Variants in GLIS3 observed in about 807,000 individuals in gnomAD.
The protein encoded by GLIS3 is zinc finger protein GLIS3.
GLIS3 carries 53 observed loss-of-function variants against 78.6 expected under a neutral mutation model. That is an observed-to-expected ratio of 0.67 (90% CI 0.54 to 0.85). The LOEUF (loss-of-function observed/expected upper bound fraction) is 0.85. GLIS3 is among the 40% of genes least tolerant of loss of function. The pLI, the probability that GLIS3 is intolerant of heterozygous loss-of-function variation, is 0.00. For synonymous variants in GLIS3, 684 were observed against 509.9 expected (o/e 1.34, Z -4.60); for missense variants, 1,703 against 1,231.1 (o/e 1.38, Z -5.74).
chr9:4,287,096 T>C (rs1265932560), intron 1 of GLIS3, among the ~76,000 whole-genome samples: 1 of 152,236 alleles, frequency 6.6e-6, no homozygotes, highest in African/African-American at 2.4e-5. Flanking sequence ...ATCCACATAT[T>C]CATATATTCA....
At chr9:4,083,656 G>T (rs928148317) in intron 4 of GLIS3, among the ~76,000 whole-genome samples, 1 of 152,116 alleles carries the variant, frequency 6.6e-6, no homozygotes, top group African/African-American at 2.4e-5. Context: ...CTGAAGATGT[G>T]TATGACAATG....
the GLIS3 span, among the ~76,000 whole-genome samples, chr9:4,374,405 T>C: frequency 1.7e-3 from 260 of 152,354 alleles, no homozygotes; most frequent in Middle Eastern, 6.8e-3. Context: ...TTCCACCTTA[T>C]AGCATATTTC....
chr9:4,099,566 C>G (rs12686490), intron 4 of GLIS3, among the ~76,000 whole-genome samples: 1 of 151,954 alleles, frequency 6.6e-6, no homozygotes, highest in African/African-American at 2.4e-5. Flanking sequence ...CTCTAAAGAC[C>G]GTGTTTTCAC....
rs566641176 is a variant in GLIS3, at chr9:4,347,768, G to A, written n.161+464C>T. Among the ~76,000 whole-genome samples, 40 of 152,010 alleles carry A rather than the reference G, an allele frequency of 2.6e-4. No homozygotes were observed. The East Asian group carries it at 3.7e-3, about 14-fold the overall frequency. On this transcript the variant is annotated intron_variant and non_coding_transcript_variant, in intron 1 of 4. Coordinates refer to the GLIS3 transcript ENST00000471664. ...TTGGTGGGGGTTGGGGGAGTCTATCGCTTTACAATTTAATTCAGATGAAAA... is the reference window on the plus strand; with the variant it reads ...TTGGTGGGGGTTGGGGGAGTCTATCACTTTACAATTTAATTCAGATGAAAA...
chr9:4,177,907 C>T (rs976569425), intron 2 of GLIS3, among the ~76,000 whole-genome samples: 2 of 152,216 alleles, frequency 1.3e-5, no homozygotes, highest in African/African-American at 4.8e-5. Context: ...TTCACTAACT[C>T]CCATCACAGC....
intron 2 of GLIS3, among the ~76,000 whole-genome samples, chr9:4,187,953 C>T (rs186681696): frequency 0.019 from 2,828 of 152,112 alleles, 25 homozygotes; most frequent in Non-Finnish European, 0.026. Context: ...CAGGGACAAT[C>T]TGACTTCCTC....
intron 4 of GLIS3, among the ~76,000 whole-genome samples, chr9:4,061,311 C>T (rs867167740): frequency 1.1e-4 from 16 of 148,092 alleles, no homozygotes; most frequent in African/African-American, 3.2e-4. Flanking sequence ...TGAGAACATG[C>T]GGTGTTTGGT....
At chr9:4,033,635 A>C (rs908783471) in intron 4 of GLIS3, among the ~76,000 whole-genome samples, 2 of 152,246 alleles carry the variant, frequency 1.3e-5, no homozygotes, top group Admixed American at 6.5e-5. Flanking sequence ...CCTAGGCTCC[A>C]CCCTGGACCT....
intron 2 of GLIS3, among the ~76,000 whole-genome samples, chr9:4,315,427 T>C (rs1817422358): frequency 6.6e-6 from 1 of 152,194 alleles, no homozygotes; most frequent in Non-Finnish European, 1.5e-5. Flanking sequence ...ATGACAATTT[T>C]CTGTATGCTC....
At chr9:4,355,842 A>G in the GLIS3 span, among the ~76,000 whole-genome samples, 6 of 152,202 alleles carry the variant, frequency 3.9e-5, no homozygotes, top group Non-Finnish European at 8.8e-5. Context: ...TCAGGAATCA[A>G]ATACCTGCTT....
At chr9:4,359,558 G>T in the GLIS3 span, among the ~76,000 whole-genome samples, 25 of 152,160 alleles carry the variant, frequency 1.6e-4, no homozygotes, top group African/African-American at 6.0e-4. Context: ...ACTGTTGACA[G>T]GGGCAACAGA....
rs201400343 is a variant in GLIS3 at position 4,110,869 on chromosome 9, A to G, written c.1710+6899T>C. Reference sequence around the variant, plus strand: ...TGAAGAAAACATTTCTGAAAGATCAAAGAGAATCAGACGACCGCTTCTTTT... The same window carrying G: ...TGAAGAAAACATTTCTGAAAGATCAGAGAGAATCAGACGACCGCTTCTTTT... On this transcript the variant is annotated intron_variant, in intron 4 of 10. Coordinates refer to ENST00000381971, the MANE Select transcript of GLIS3 (RefSeq NM_001042413.2). Among the ~76,000 whole-genome samples the G allele has an allele frequency of 5.2e-5, 8 of 152,382 alleles. No homozygotes were observed. In the East Asian group the frequency reaches 1.5e-3, roughly 29 times the overall value.
At chr9:4,144,890 G>A (rs767522118) in intron 2 of GLIS3, 6 of 152,194 alleles carry the variant, frequency 3.9e-5, no homozygotes, top group Non-Finnish European at 8.8e-5. Flanking sequence ...GCAAGAACAT[G>A]CTGTTTATTT....
intron 1 of GLIS3, among the ~76,000 whole-genome samples, chr9:4,288,532 C>G (rs1828189728): frequency 6.6e-6 from 1 of 151,914 alleles, no homozygotes; most frequent in African/African-American, 2.4e-5. Context: ...AGCAGGAATT[C>G]TCATCAAAAA....
At chr9:4,178,601 G>T (rs182692745) in intron 2 of GLIS3, among the ~76,000 whole-genome samples, 2 of 152,170 alleles carry the variant, frequency 1.3e-5, no homozygotes, top group East Asian at 1.9e-4. Flanking sequence ...TTCCAAACAC[G>T]CAAGTGCAAA....
the GLIS3 span, among the ~76,000 whole-genome samples, chr9:4,479,961 G>C: frequency 2.4e-5 from 3 of 126,752 alleles, no homozygotes; most frequent in African/African-American, 6.1e-5. Flanking sequence ...CGCCATGTTA[G>C]CCAGGCTGGT....
intron 2 of GLIS3, among the ~76,000 whole-genome samples, chr9:4,320,112 A>T (rs1817502024): frequency 6.6e-6 from 1 of 152,156 alleles, no homozygotes; most frequent in African/African-American, 2.4e-5. Context: ...AAAGCTGGCA[A>T]CATTTGACTT....
At chr9:4,385,623 C>A in the GLIS3 span, among the ~76,000 whole-genome samples, 3 of 138,992 alleles carry the variant, frequency 2.2e-5, no homozygotes, top group South Asian at 6.9e-4. Flanking sequence ...TGAGATCACG[C>A]TATTGCACTC....
chr9:4,343,349 C>T (rs1817860805), intron 2 of GLIS3, among the ~76,000 whole-genome samples: 1 of 151,968 alleles, frequency 6.6e-6, no homozygotes, highest in South Asian at 2.1e-4. Context: ...CTCAACAAAA[C>T]AAAACAAAAC....
Sources: allele counts gnomAD v4.1 joint callset (sites outside exome capture counted in the v4.1 genomes callset), GRCh38; gene constraint gnomAD v4.1.1; transcripts MANE v1.5; gene names NCBI Gene and HGNC (gene_info 2026-07-23, HGNC 2026-07-21).